The following KCNT2 variants were observed in gnomAD, a reference collection of about 807,000 sequenced individuals.
The protein encoded by KCNT2 is potassium channel subfamily T member 2.
Under a neutral mutation model 153.8 loss-of-function variants are expected in KCNT2, and 67 were observed. That is an observed-to-expected ratio of 0.44 (90% CI 0.36 to 0.53). The LOEUF (loss-of-function observed/expected upper bound fraction) is 0.53, where lower values mean the gene tolerates loss of function less well. KCNT2 is among the 20% of genes least tolerant of loss of function. The pLI, the probability that KCNT2 is intolerant of heterozygous loss-of-function variation, is 0.00. For missense variants in KCNT2, 975 were observed against 1,354.8 expected (o/e 0.72, Z 4.40); for synonymous variants, 500 against 458.8 (o/e 1.09, Z -1.15).
chr1:196,249,630 G>T (rs1276796774), intron 26 of KCNT2, among the ~76,000 whole-genome samples: 1 of 151,914 alleles, frequency 6.6e-6, no homozygotes, highest in Non-Finnish European at 1.5e-5. Flanking sequence ...AAAATTAGCT[G>T]GGCCTGGGGG....
chr1:196,376,204 C>A (rs1159580957), intron 13 of KCNT2, among the ~76,000 whole-genome samples: 2 of 151,868 alleles, frequency 1.3e-5, no homozygotes, highest in East Asian at 3.9e-4. Context: ...CATTGTCATT[C>A]TCACTACTTA....
chr1:196,265,581 T>C (rs961037853), intron 25 of KCNT2, among the ~76,000 whole-genome samples: 3 of 152,200 alleles, frequency 2.0e-5, no homozygotes, highest in Admixed American at 6.5e-5. Context: ...CAGCCCCCAT[T>C]CTACAGTGTG....
chr1:196,531,449 A>G (rs1323681045), intron 1 of KCNT2, among the ~76,000 whole-genome samples: 1 of 152,168 alleles, frequency 6.6e-6, no homozygotes, highest in Middle Eastern at 3.4e-3. Flanking sequence ...CTGCGACTCT[A>G]TTTCCTCGAG....
At chr1:196,405,910 A>G (rs1379982830) in intron 12 of KCNT2, among the ~76,000 whole-genome samples, 1 of 151,586 alleles carries the variant, frequency 6.6e-6, no homozygotes, top group African/African-American at 2.4e-5. Context: ...AAACACTTAT[A>G]AAATAAATAA....
intron 23 of KCNT2, among the ~76,000 whole-genome samples, chr1:196,283,356 C>T (rs1287770948): frequency 6.6e-6 from 1 of 151,906 alleles, no homozygotes; most frequent in Non-Finnish European, 1.5e-5. Context: ...ATGGCGTGAA[C>T]CCCGGGGGGC....
At chr1:196,368,858 T>C (rs898230023) in intron 14 of KCNT2, among the ~76,000 whole-genome samples, 1 of 152,124 alleles carries the variant, frequency 6.6e-6, no homozygotes, top group African/African-American at 2.4e-5. Context: ...CCTACCACAT[T>C]ATGTCTTCAT....
intron 8 of KCNT2, among the ~76,000 whole-genome samples, chr1:196,457,086 A>G (rs1676738861): frequency 6.6e-6 from 1 of 151,902 alleles, no homozygotes; most frequent in African/African-American, 2.4e-5. Context: ...TGTATTCCAT[A>G]TTTATTCAAC....
chr1:196,580,265 A>G (rs1661868732), intron 1 of KCNT2, among the ~76,000 whole-genome samples: 1 of 152,184 alleles, frequency 6.6e-6, no homozygotes, highest in Non-Finnish European at 1.5e-5. Context: ...CCCCAGCTCA[A>G]CAGAGAAAAA....
chr1:196,245,556 T>G lies in KCNT2; in HGVS notation c.3212-9486A>C, dbSNP rs1655365061. 3.3e-5 allele frequency among the ~76,000 whole-genome samples: 5 copies of G among 152,174 alleles called. No individual in the cohort carries two copies. In the South Asian group the frequency reaches 1.0e-3, roughly 31 times the overall value. On this transcript the variant is annotated intron_variant, in intron 26 of 27. Transcript: ENST00000294725. ...GCGACCAATTATGGAAAGACAGATA[T>G]TTGATTGTTTAGATGGATTATTCAA...
At chr1:196,384,707 C>CAA (rs60975976) in intron 13 of KCNT2, among the ~76,000 whole-genome samples, 79 of 75,474 alleles carry the variant, frequency 1.0e-3, no homozygotes, top group African/African-American at 3.3e-3. Flanking sequence ...ACCCCATCTC[C>CAA]AAAAAAAAAA....
chr1:196,547,670 T>C (rs1657288039), intron 1 of KCNT2, among the ~76,000 whole-genome samples: 1 of 151,968 alleles, frequency 6.6e-6, no homozygotes, highest in African/African-American at 2.4e-5. Flanking sequence ...TCATCATCCA[T>C]CCATTATATC....
rs1416257822 is a variant in KCNT2, at chr1:196,428,120, A to T, written c.969T>A (p.Ala323=). The change falls in exon 10 of 28, where the codon GCT becomes GCA. Residue 323 remains alanine (A), a synonymous_variant. Coordinates refer to ENST00000294725, the MANE Select transcript of KCNT2 (RefSeq NM_198503.5). ...CCAAATGTACCTGGAGCCTAGGATG[A>T]GCATAGAATTCATTTAAAAAATCCA... is the stretch of plus-strand genomic sequence containing the variant. ...LLMDFLNEFY[A]HPRLQDYYVV... The T allele has an allele frequency of 1.2e-6, 2 of 1,611,862 alleles. No individual in the cohort carries two copies. Among genetic ancestry groups the T allele is most frequent in the Admixed American group, 3.3e-5 (2 of 59,896 alleles).
intron 26 of KCNT2, among the ~76,000 whole-genome samples, chr1:196,241,337 T>C (rs1465515981): frequency 6.6e-6 from 1 of 152,088 alleles, no homozygotes; most frequent in Non-Finnish European, 1.5e-5. Context: ...TGAACTTATA[T>C]ACACATTATG....
intron 21 of KCNT2, among the ~76,000 whole-genome samples, chr1:196,312,357 C>T (rs188256320): frequency 8.2e-4 from 124 of 151,438 alleles, no homozygotes; most frequent in Non-Finnish European, 1.4e-3. Context: ...AAGTTTGCTG[C>T]TTTAAAGGCC....
intron 5 of KCNT2, among the ~76,000 whole-genome samples, chr1:196,478,228 A>T (rs1480821900): frequency 6.6e-6 from 1 of 152,150 alleles, no homozygotes; most frequent in Non-Finnish European, 1.5e-5. Context: ...CTTTTCATCC[A>T]GCCAAAATCT....
intron 26 of KCNT2, chr1:196,257,429 C>G (rs1656611438): frequency 1.0e-6 from 1 of 967,900 alleles, no homozygotes; most frequent in African/African-American, 1.8e-5. Context: ...TTGCATGATA[C>G]TAACCCTATC....
chr1:196,550,050 T>C (rs973121649), intron 1 of KCNT2, among the ~76,000 whole-genome samples: 9 of 151,934 alleles, frequency 5.9e-5, no homozygotes, highest in African/African-American at 1.7e-4. Context: ...CAGAATGATA[T>C]ACCAGTTTAC....
chr1:196,351,617 G>T (rs918817066), intron 14 of KCNT2, among the ~76,000 whole-genome samples: 2 of 151,836 alleles, frequency 1.3e-5, no homozygotes, highest in African/African-American at 2.4e-5. Context: ...GAGACAATGG[G>T]GTTTTCTAGA....
chr1:196,258,143 A>T (rs1282696404), intron 26 of KCNT2, 51 bp downstream of exon 26: 1 of 1,570,468 alleles, frequency 6.4e-7, no homozygotes, highest in African/African-American at 1.4e-5. Flanking sequence ...TATTACTACT[A>T]ATGGCAAGAA....
Sources: gnomAD v4.1 joint callset for allele counts (sites outside exome capture counted in the v4.1 genomes callset) on GRCh38, gnomAD v4.1.1 for gene constraint, MANE v1.5 for transcripts, NCBI Gene and HGNC (gene_info 2026-07-23, HGNC 2026-07-21) for gene names.